Variants in SCLT1 observed in about 807,000 individuals in gnomAD.
The protein encoded by SCLT1 is sodium channel-associated protein 1.
In SCLT1, 78 loss-of-function variants were observed where a neutral mutation model predicts 112.8. That is an observed-to-expected ratio of 0.69 (90% CI 0.58 to 0.83). The LOEUF (loss-of-function observed/expected upper bound fraction) is 0.83, where lower values mean the gene tolerates loss of function less well. Ranked by LOEUF, SCLT1 falls within the 40% of genes least tolerant of loss-of-function variation. The pLI is 0.00. For synonymous variants in SCLT1, 257 were observed against 254.7 expected, an observed-to-expected ratio of 1.01 and a Z score of -0.09; for missense variants, 747 against 770.4, an observed-to-expected ratio of 0.97 and a Z score of 0.36.
chr4:128,907,691 T>C (rs1337058768), intron 18 of SCLT1, among the ~76,000 whole-genome samples: 4 of 152,126 alleles, frequency 2.6e-5, no homozygotes, highest in Admixed American at 6.6e-5. Flanking sequence ...TAATAATAAT[T>C]GGCCCATTTC....
At chr4:128,883,154 C>CAA (rs1412985271), downstream of SCLT1, among the ~76,000 whole-genome samples, 39 of 37,456 alleles carry the variant, frequency 1.0e-3, no homozygotes, top group African/African-American at 1.3e-3. Context: ...ACAACAACAA[C>CAA]AACAAAAAAA....
At chr4:128,956,373 T>C (rs1265024400) in intron 13 of SCLT1, among the ~76,000 whole-genome samples, 1 of 152,100 alleles carries the variant, frequency 6.6e-6, no homozygotes, top group East Asian at 1.9e-4. Context: ...GTTACAGTAC[T>C]CTCAACTTCA....
chr4:128,917,434 T>C (rs1332109031), intron 18 of SCLT1, among the ~76,000 whole-genome samples: 1 of 152,210 alleles, frequency 6.6e-6, no homozygotes, highest in Non-Finnish European at 1.5e-5. Context: ...ATGATCCTGA[T>C]ACTAATCCCC....
At chr4:129,082,269 T>A (rs1579961802) in intron 2 of SCLT1, 37 bp downstream of exon 2, 1 of 1,037,404 alleles carries the variant, frequency 9.6e-7, no homozygotes, top group African/African-American at 1.6e-5. Context: ...CAACTTCACA[T>A]GAGAATATTC....
intron 2 of SCLT1, among the ~76,000 whole-genome samples, chr4:129,049,626 T>TAAA (rs56961720): frequency 7.4e-6 from 1 of 135,716 alleles, no homozygotes; most frequent in Admixed American, 7.3e-5. Context: ...ACTTAAAGTA[T>TAAA]AAAAAAAAAA....
intron 8 of SCLT1, among the ~76,000 whole-genome samples, chr4:128,994,256 A>G (rs1010507121): frequency 2.6e-5 from 4 of 152,142 alleles, no homozygotes; most frequent in South Asian, 2.1e-4. Flanking sequence ...GATACTTCGT[A>G]TAAGTAAAAT....
At chr4:128,939,841 T>C (rs537836648) in intron 17 of SCLT1, among the ~76,000 whole-genome samples, 17 of 152,280 alleles carry the variant, frequency 1.1e-4, no homozygotes, top group Non-Finnish European at 2.5e-4. Flanking sequence ...CTACTGAAGA[T>C]CATACTCTTT....
At chr4:128,929,442 A>G (rs1181662977) in intron 18 of SCLT1, among the ~76,000 whole-genome samples, 1 of 152,222 alleles carries the variant, frequency 6.6e-6, no homozygotes, top group Non-Finnish European at 1.5e-5. Flanking sequence ...AAATTTATTT[A>G]AGGAACTTGA....
At chr4:128,916,446 C>T (rs56133600) in intron 18 of SCLT1, among the ~76,000 whole-genome samples, 2,500 of 152,226 alleles carry the variant, frequency 0.016, 55 homozygotes, top group African/African-American at 0.051. Context: ...CACTGCCTTT[C>T]TCTTATACTT....
chr4:128,930,163 A>G (rs1486338604), intron 18 of SCLT1, among the ~76,000 whole-genome samples: 1 of 152,156 alleles, frequency 6.6e-6, no homozygotes, highest in East Asian at 1.9e-4. Flanking sequence ...GGTCACAAAA[A>G]GCATTACGTC....
intron 13 of SCLT1, among the ~76,000 whole-genome samples, chr4:128,953,816 A>T (rs937075807): frequency 3.7e-5 from 5 of 136,692 alleles, no homozygotes; most frequent in African/African-American, 1.0e-4. Context: ...AAAAACAAAA[A>T]AACAAAAAAA....
intron 17 of SCLT1, among the ~76,000 whole-genome samples, chr4:128,940,156 A>T (rs1185878031): frequency 3.9e-5 from 6 of 152,150 alleles, no homozygotes; most frequent in Non-Finnish European, 8.8e-5. Context: ...CATTGATTCC[A>T]TCCCCACTCA....
At chr4:128,955,839 G>T (rs1301667980) in intron 13 of SCLT1, among the ~76,000 whole-genome samples, 7 of 151,882 alleles carry the variant, frequency 4.6e-5, no homozygotes, top group Non-Finnish European at 1.5e-5. Context: ...AATCAACTTG[G>T]CAACAGTGTG....
In SCLT1 at chr4:128,965,209, G is replaced by A; in HGVS notation, c.869+18C>T. ...TTTTAAAGCATATCAACAAAGCTAGGTGCATTTAACAATTTACCTTATTTC... is the reference window on the plus strand; with the variant it reads ...TTTTAAAGCATATCAACAAAGCTAGATGCATTTAACAATTTACCTTATTTC... On this transcript the variant is annotated intron_variant, in intron 11 of 20. Transcript: ENST00000281142. The A allele has an allele frequency of 1.6e-6, 2 of 1,252,634 alleles. No homozygotes were observed. Among genetic ancestry groups the A allele is most frequent in the African/African-American group, 1.5e-5 (1 of 67,522 alleles). The allele number at this position is 1,252,634 out of a possible 1,614,324, so 77.6% of individuals were successfully genotyped here.
intron 9 of SCLT1, 131 bp from the exon 10 acceptor site, chr4:128,970,599 T>G (rs1338480920): frequency 1.6e-6 from 1 of 616,200 alleles, no homozygotes; most frequent in Non-Finnish European, 2.8e-6. Context: ...TGGAATAAAT[T>G]TTGGAAGATT....
chr4:129,052,224 T>C (rs541716419), intron 2 of SCLT1, among the ~76,000 whole-genome samples: 1 of 152,184 alleles, frequency 6.6e-6, no homozygotes, highest in Non-Finnish European at 1.5e-5. Flanking sequence ...GGTATCAGAA[T>C]GATGTTGGCC....
At chr4:129,049,440 G>C (rs373234259) in intron 2 of SCLT1, among the ~76,000 whole-genome samples, 2 of 140,202 alleles carry the variant, frequency 1.4e-5, no homozygotes, top group African/African-American at 5.3e-5. Flanking sequence ...GAGAACACAT[G>C]GACACAGGAA....
At chr4:129,055,556 C>T (rs1749284389) in intron 2 of SCLT1, among the ~76,000 whole-genome samples, 1 of 152,146 alleles carries the variant, frequency 6.6e-6, no homozygotes, top group Non-Finnish European at 1.5e-5. Flanking sequence ...TCTGACCTTC[C>T]CAGCCTCCTT....
At chr4:129,000,070 C>T (rs981444090) in intron 6 of SCLT1, among the ~76,000 whole-genome samples, 3 of 151,702 alleles carry the variant, frequency 2.0e-5, no homozygotes, top group African/African-American at 7.3e-5. Context: ...AGATTTAAAC[C>T]ATGTTCTTTG....
Sources: gnomAD v4.1 joint callset for allele counts (sites outside exome capture counted in the v4.1 genomes callset) on GRCh38, gnomAD v4.1.1 for gene constraint, MANE v1.5 for transcripts, NCBI Gene and HGNC (gene_info 2026-07-23, HGNC 2026-07-21) for gene names.